The following RBMS3 variants were observed in gnomAD, a reference collection of about 807,000 sequenced individuals.
RBMS3 encodes RNA binding motif single stranded interacting protein 3.
A neutral mutation model predicts 66.8 loss-of-function variants in RBMS3; 27 were observed. That is an observed-to-expected ratio of 0.40 (90% CI 0.30 to 0.56). The LOEUF (loss-of-function observed/expected upper bound fraction) is 0.56, where lower values mean the gene tolerates loss of function less well. RBMS3 is among the 20% of genes least tolerant of loss of function. The probability of loss-of-function intolerance (pLI) is 0.40; values close to 1 mark genes in which losing one functional copy is unlikely to be tolerated. For missense variants in RBMS3, 513 were observed against 549.5 expected (o/e 0.93, Z 0.66); for synonymous variants, 188 against 183.0 (o/e 1.03, Z -0.22).
intron 4 of RBMS3, among the ~76,000 whole-genome samples, chr3:29,685,489 G>A (rs1056642056): frequency 1.3e-5 from 2 of 151,872 alleles, no homozygotes; most frequent in Non-Finnish European, 2.9e-5. Context: ...TTTGTCCCAT[G>A]GGAGTCCATT....
At chr3:29,973,289 A>G (rs1697341214) in intron 12 of RBMS3, among the ~76,000 whole-genome samples, 1 of 152,064 alleles carries the variant, frequency 6.6e-6, no homozygotes, top group Non-Finnish European at 1.5e-5. Flanking sequence ...TAGAAACACT[A>G]AGAAGAAAGT....
intron 1 of RBMS3, among the ~76,000 whole-genome samples, chr3:29,334,929 G>A (rs1034540127): frequency 6.6e-6 from 1 of 152,162 alleles, no homozygotes; most frequent in Non-Finnish European, 1.5e-5. Flanking sequence ...CTGTACTAGC[G>A]TTTGGAATCT....
chr3:29,902,706 C>T (rs906432817), intron 10 of RBMS3, among the ~76,000 whole-genome samples: 7 of 151,860 alleles, frequency 4.6e-5, no homozygotes, highest in African/African-American at 1.7e-4. Flanking sequence ...TCTTTCCTCA[C>T]TTTATGATAA....
chr3:29,879,660 A>G (rs1347134451), intron 7 of RBMS3, among the ~76,000 whole-genome samples: 2 of 152,136 alleles, frequency 1.3e-5, no homozygotes, highest in Non-Finnish European at 2.9e-5. Context: ...GACCTCAAGA[A>G]AAGGAGAAAT....
chr3:29,932,957 T>A (rs941691602), intron 10 of RBMS3, among the ~76,000 whole-genome samples: 3 of 152,206 alleles, frequency 2.0e-5, no homozygotes, highest in Admixed American at 2.0e-4. Context: ...GGACCAGACC[T>A]TTCCATCAGC....
At chr3:29,742,132 T>G (rs1576669954) in intron 5 of RBMS3, among the ~76,000 whole-genome samples, 1 of 152,318 alleles carries the variant, frequency 6.6e-6, no homozygotes, top group East Asian at 1.9e-4. Flanking sequence ...ATATTTTTCT[T>G]AAGTACAGAG....
intron 4 of RBMS3, among the ~76,000 whole-genome samples, chr3:29,597,172 T>C (rs1401365593): frequency 6.6e-6 from 1 of 152,198 alleles, no homozygotes; most frequent in East Asian, 1.9e-4. Flanking sequence ...TGCACACATA[T>C]ACATTCCCAA....
chr3:29,551,753 T>C (rs2046187019), intron 3 of RBMS3, among the ~76,000 whole-genome samples: 2 of 152,214 alleles, frequency 1.3e-5, no homozygotes, highest in Non-Finnish European at 2.9e-5. Flanking sequence ...TATCCAAATC[T>C]ATCTTTTTGT....
At chr3:29,285,670 G>C (rs1346184920) in intron 1 of RBMS3, among the ~76,000 whole-genome samples, 3 of 152,062 alleles carry the variant, frequency 2.0e-5, no homozygotes, top group African/African-American at 7.2e-5. Flanking sequence ...ATGAAGAAGG[G>C]GCCAGGTGTA....
chr3:29,323,173 T>C (rs188933902), intron 1 of RBMS3, among the ~76,000 whole-genome samples: 2 of 152,286 alleles, frequency 1.3e-5, no homozygotes, highest in Admixed American at 1.3e-4. Flanking sequence ...TGATATCAAA[T>C]TTTATGTACA....
At position 30,009,061 on chromosome 3, in the gene RBMS3, T is replaced by A. The variant is rs1458942808; in HGVS notation, c.*5199T>A. The stretch of plus-strand genomic sequence containing the variant: ...GAGGGAAAATAATATATCAAGAAAA[T>A]TTTCTTCCACTTAGAAAGCTTTAAA... On this transcript the variant is annotated 3_prime_UTR_variant, in exon 15 of 15. Transcript: ENST00000383767. The A allele has an allele frequency of 6.6e-6, 1 of 152,078 alleles. No individual in the cohort carries two copies. Among genetic ancestry groups the A allele is most frequent in the African/African-American group, 2.4e-5 (1 of 41,426 alleles). 9.4% of individuals were successfully genotyped at this position (152,078 alleles called of 1,614,324 possible). A position where few individuals can be genotyped will look rare whatever the true frequency, so the allele number is the denominator to read the frequency against.
chr3:29,341,333 A>C (rs769847149), intron 1 of RBMS3, among the ~76,000 whole-genome samples: 12 of 152,130 alleles, frequency 7.9e-5, no homozygotes, highest in Non-Finnish European at 1.8e-4. Flanking sequence ...CTACTTTGTC[A>C]GAAAAAGAGA....
At chr3:29,737,438 G>A (rs1009280024) in intron 4 of RBMS3, among the ~76,000 whole-genome samples, 2 of 152,176 alleles carry the variant, frequency 1.3e-5, no homozygotes, top group Non-Finnish European at 1.5e-5. Flanking sequence ...AATACACTGA[G>A]CTGGAAGATA....
intron 6 of RBMS3, among the ~76,000 whole-genome samples, chr3:29,858,842 AGAG>A (rs2059143137): frequency 6.6e-6 from 1 of 152,200 alleles, no homozygotes; most frequent in Non-Finnish European, 1.5e-5. Context: ...TTTAAAACAG[AGAG>A]GAGATCTTGA....
intron 7 of RBMS3, among the ~76,000 whole-genome samples, chr3:29,879,098 A>G (rs760865790): frequency 1.3e-5 from 2 of 152,106 alleles, no homozygotes; most frequent in East Asian, 1.9e-4. Context: ...GCAAAAAAAA[A>G]AGTTATTGTT....
At chr3:29,583,622 G>A in intron 3 of RBMS3, among the ~76,000 whole-genome samples, 1 of 152,108 alleles carries the variant, frequency 6.6e-6, no homozygotes, top group East Asian at 1.9e-4. Context: ...GTGAAGGGGA[G>A]GATCCTTGTC....
At chr3:29,396,329 T>C (rs1213243287) in intron 1 of RBMS3, among the ~76,000 whole-genome samples, 4 of 152,112 alleles carry the variant, frequency 2.6e-5, no homozygotes, top group Admixed American at 6.6e-5. Context: ...ACCAAAGACA[T>C]GTTCCAGGTT....
chr3:29,477,716 G>A (rs2042996184), intron 2 of RBMS3, among the ~76,000 whole-genome samples: 1 of 152,046 alleles, frequency 6.6e-6, no homozygotes, highest in African/African-American at 2.4e-5. Context: ...TGTCAGTTGA[G>A]TAGGGATGAG....
chr3:29,846,232 C>T (rs951390678), intron 6 of RBMS3, among the ~76,000 whole-genome samples: 2 of 151,566 alleles, frequency 1.3e-5, no homozygotes, highest in Non-Finnish European at 1.5e-5. Context: ...TGCAGAATTC[C>T]AAAAAGAGAT....
Sources: allele counts gnomAD v4.1 joint callset (sites outside exome capture counted in the v4.1 genomes callset), GRCh38; gene constraint gnomAD v4.1.1; transcripts MANE v1.5; gene names NCBI Gene and HGNC (gene_info 2026-07-23, HGNC 2026-07-21).